CCDC178: variants seen among roughly 807,000 people sequenced by gnomAD.
The protein encoded by CCDC178 is coiled-coil domain containing 178.
CCDC178 carries 126 observed loss-of-function variants against 117.4 expected under a neutral mutation model. The observed-to-expected ratio is 1.07, with a 90% CI of 0.93 to 1.24. CCDC178 has a LOEUF of 1.24. CCDC178 is among the 50% of genes most tolerant of loss of function. CCDC178 has a pLI of 0.00. For synonymous variants in CCDC178, 283 were observed against 313.4 expected (o/e 0.90, Z 1.02); for missense variants, 1,030 against 986.9 (o/e 1.04, Z -0.59).
intron 20 of CCDC178, among the ~76,000 whole-genome samples, chr18:33,171,845 C>G (rs2058603934): frequency 6.6e-6 from 1 of 152,190 alleles, no homozygotes; most frequent in Non-Finnish European, 1.5e-5. Flanking sequence ...ATTTGCGAAA[C>G]TTCGGTTTTA....
chr18:33,323,842 T>A (rs1371966427), intron 10 of CCDC178, among the ~76,000 whole-genome samples: 1 of 151,804 alleles, frequency 6.6e-6, no homozygotes, highest in Non-Finnish European at 1.5e-5. Context: ...ATAATTTCAA[T>A]ATCCAAGTTA....
intron 4 of CCDC178, among the ~76,000 whole-genome samples, chr18:33,392,422 C>T (rs1395731764): frequency 1.3e-5 from 2 of 152,182 alleles, no homozygotes; most frequent in South Asian, 2.1e-4. Flanking sequence ...AATCTTCAAA[C>T]GGATGTTCCC....
At chr18:33,290,678 G>A (rs569904040) in intron 12 of CCDC178, among the ~76,000 whole-genome samples, 1 of 152,036 alleles carries the variant, frequency 6.6e-6, no homozygotes, top group Non-Finnish European at 1.5e-5. Flanking sequence ...TAAGATCAGA[G>A]GATTCACTAT....
intron 20 of CCDC178, among the ~76,000 whole-genome samples, chr18:33,178,411 G>A (rs1006083641): frequency 5.9e-5 from 9 of 152,086 alleles, no homozygotes; most frequent in East Asian, 1.9e-4. Context: ...CTGGATTACC[G>A]TAAGAATCTC....
chr18:33,363,064 C>T (rs747543409), intron 6 of CCDC178, among the ~76,000 whole-genome samples: 29 of 151,020 alleles, frequency 1.9e-4, no homozygotes, highest in Non-Finnish European at 4.0e-4. Context: ...TATACATGAA[C>T]TCCCTACACT....
chr18:33,074,453 CT>C (rs2057169033), intron 21 of CCDC178, among the ~76,000 whole-genome samples: 1 of 152,122 alleles, frequency 6.6e-6, no homozygotes, highest in African/African-American at 2.4e-5. Flanking sequence ...TGTTTGGTTT[CT>C]TTTGCTTAAA....
intron 14 of CCDC178, among the ~76,000 whole-genome samples, chr18:33,262,195 G>GA (rs1297305523): frequency 6.6e-6 from 1 of 152,078 alleles, no homozygotes; most frequent in Non-Finnish European, 1.5e-5. Flanking sequence ...ACAGATGAAG[G>GA]AAAAAATGTG....
At chr18:33,265,520 T>C (rs2059801951) in intron 14 of CCDC178, among the ~76,000 whole-genome samples, 1 of 151,868 alleles carries the variant, frequency 6.6e-6, no homozygotes, top group Non-Finnish European at 1.5e-5. Flanking sequence ...GTAAAAACAT[T>C]CTAGAAAAAG....
chr18:33,053,643 T>C (rs1216087141), intron 21 of CCDC178, among the ~76,000 whole-genome samples: 1 of 152,076 alleles, frequency 6.6e-6, no homozygotes, highest in Non-Finnish European at 1.5e-5. Context: ...AAATAAGTTA[T>C]GGGGGTTTCC....
intron 1 of CCDC178, chr18:33,440,402 GGGGACTGGGGAATTAT>G (rs2064366766): frequency 1.3e-5 from 2 of 151,706 alleles, no homozygotes. Context: ...AAAACGACTG[GGGGACTGGGGAATTAT>G]GGGACTGGGG....
chr18:33,093,915 C>T (rs2057504623), intron 20 of CCDC178, among the ~76,000 whole-genome samples: 1 of 151,856 alleles, frequency 6.6e-6, no homozygotes, highest in African/African-American at 2.4e-5. Context: ...TAACTAGATA[C>T]AGAAATAACC....
intron 4 of CCDC178, among the ~76,000 whole-genome samples, chr18:33,396,311 A>G (rs928093323): frequency 6.6e-6 from 1 of 152,100 alleles, no homozygotes; most frequent in East Asian, 1.9e-4. Context: ...AAGTGGTAGG[A>G]AAAAAATGGA....
intron 21 of CCDC178, among the ~76,000 whole-genome samples, chr18:33,030,558 T>TAGATAGAC (rs1206483455): frequency 6.6e-6 from 1 of 151,680 alleles, no homozygotes; most frequent in Non-Finnish European, 1.5e-5. Context: ...GATAGATAGA[T>TAGATAGAC]AGATAGATAG....
chr18:33,192,901 CAAAA>C (rs3046443), intron 20 of CCDC178, among the ~76,000 whole-genome samples: 1 of 96,394 alleles, frequency 1.0e-5, no homozygotes, highest in African/African-American at 3.4e-5. Context: ...AACTCCGTCT[CAAAA>C]AAAAAAAAAA....
intron 2 of CCDC178, among the ~76,000 whole-genome samples, chr18:33,438,053 AC>A (rs2064316036): frequency 6.6e-6 from 1 of 152,210 alleles, no homozygotes; most frequent in South Asian, 2.1e-4. Flanking sequence ...CTATGGCCAG[AC>A]CACATATGAA....
intron 20 of CCDC178, among the ~76,000 whole-genome samples, chr18:33,158,492 A>C (rs2058427014): frequency 6.6e-6 from 1 of 152,124 alleles, no homozygotes; most frequent in African/African-American, 2.4e-5. Flanking sequence ...ATTTAAAAAA[A>C]CTAAAATTTT....
At chr18:33,333,764 G>A (rs928327280) in intron 9 of CCDC178, among the ~76,000 whole-genome samples, 1 of 151,660 alleles carries the variant, frequency 6.6e-6, no homozygotes, top group Non-Finnish European at 1.5e-5. Context: ...CACCTGCCTC[G>A]GCGTCCCAAA....
intron 11 of CCDC178, among the ~76,000 whole-genome samples, chr18:33,300,046 T>C (rs2062156982): frequency 6.6e-6 from 1 of 152,240 alleles, no homozygotes; most frequent in African/African-American, 2.4e-5. Flanking sequence ...GTCATGGGGA[T>C]GGATCTCTCA....
chr18:33,245,282 A>AT lies in CCDC178; in HGVS notation c.1555dup (p.Met519AsnfsTer4). 1 of 1,597,216 alleles carries AT rather than the reference A, an allele frequency of 6.3e-7. No homozygotes were observed. On this transcript the variant is annotated frameshift_variant, in exon 15 of 23. Coordinates refer to ENST00000383096, the MANE Select transcript of CCDC178 (RefSeq NM_001105528.4). LOFTEE classifies it high-confidence loss of function. ...TCTCACTTCTGCTATTTTATCTTCCATTTCATCTGTCTTGTGTTTGGTTAG... is the reference window on the plus strand; with the variant it reads ...TCTCACTTCTGCTATTTTATCTTCCATTTTCATCTGTCTTGTGTTTGGTTAG...
Sources: gnomAD v4.1 joint callset for allele counts (sites outside exome capture counted in the v4.1 genomes callset) on GRCh38, gnomAD v4.1.1 for gene constraint, MANE v1.5 for transcripts, NCBI Gene and HGNC (gene_info 2026-07-23, HGNC 2026-07-21) for gene names.